AP3D1: variants seen among roughly 807,000 people sequenced by gnomAD.
The protein encoded by AP3D1 is AP-3 complex subunit delta-1.
In AP3D1, 51 loss-of-function variants were observed where a neutral mutation model predicts 147.6. That is an observed-to-expected ratio of 0.35 (90% confidence interval 0.28 to 0.44). AP3D1 has a LOEUF of 0.44. AP3D1 is among the 20% of genes least tolerant of loss of function. The probability of loss-of-function intolerance (pLI) is 1.00; values close to 1 mark genes in which losing one functional copy is unlikely to be tolerated. For synonymous variants in AP3D1, 760 were observed against 663.0 expected (o/e 1.15, Z -2.25); for missense variants, 1,421 against 1,624.2 (o/e 0.87, Z 2.15).
At position 2,120,987 on chromosome 19, in the gene AP3D1, G is replaced by C. The variant is rs1375825755; in HGVS notation, c.1356C>G (p.Arg452=). ...LDVAIRVKAI[R]KFAVSQMSAL... ...CAGACATCTGGGACACGGCGAACTT[G>C]CGGATGGCCTTCACGCGGATGGCCA... Residue 452 remains arginine (R), a synonymous_variant, in exon 14 of 32, where the codon CGC becomes CGG. Coordinates refer to ENST00000643116, the MANE Select transcript of AP3D1 (RefSeq NM_001261826.3). 3.7e-6 allele frequency: 6 copies of C among 1,612,128 alleles called. No individual in the cohort carries two copies. The African/African-American group carries it at 6.7e-5, about 18-fold the overall frequency.
intron 22 of AP3D1, among the ~76,000 whole-genome samples, chr19:2,113,904 G>A (rs932198105): frequency 6.6e-6 from 1 of 152,176 alleles, no homozygotes; most frequent in Non-Finnish European, 1.5e-5. Context: ...GCTCACCCAT[G>A]GGATCGTTGG....
chr19:2,116,379 G>A, intron 17 of AP3D1, 101 bp from the exon 18 acceptor site: 1 of 1,360,608 alleles, frequency 7.3e-7, no homozygotes. Context: ...TGGATCTCTG[G>A]CTATTTTCAC....
intron 11 of AP3D1, among the ~76,000 whole-genome samples, chr19:2,122,564 C>G (rs541756651): frequency 6.6e-6 from 1 of 152,330 alleles, no homozygotes; most frequent in Admixed American, 6.5e-5. Flanking sequence ...GGGTGTTTTT[C>G]TGACACGTCT....
rs149339216 is a variant in AP3D1 at position 2,144,047 on chromosome 19, T to G, written c.97-5333A>C. ...GTTGCGGTGAGCCGAGATCGCGCCA[T>G]TGCACTTCAGCCTGGGCAACAAGAG... is the stretch of plus-strand genomic sequence containing the variant. On this transcript the variant is annotated intron_variant, in intron 1 of 31. Coordinates refer to ENST00000643116, the MANE Select transcript of AP3D1 (RefSeq NM_001261826.3). 9.3e-5 allele frequency among the ~76,000 whole-genome samples: 14 copies of G among 150,298 alleles called. 1 individual carries two copies. Among genetic ancestry groups the G allele is most frequent in the Admixed American group, 8.6e-4 (13 of 15,082 alleles).
In AP3D1 at chr19:2,121,872, G is replaced by A. The variant is rs779955509; in HGVS notation, c.963C>T (p.Tyr321=). The A allele has an allele frequency of 1.2e-6, 2 of 1,607,380 alleles. No homozygotes were observed. Among genetic ancestry groups the A allele is most frequent in the African/African-American group, 1.3e-5 (1 of 74,432 alleles). The part of the protein sequence containing the change: ...LIEDSDQNLK[Y]LGLLAMSKIL... ...TCTTGGACATTGCCAGCAGCCCCAGGTACTTCACTGCAGAGAGAGGCCAGA... is the reference window on the plus strand; with the variant it reads ...TCTTGGACATTGCCAGCAGCCCCAGATACTTCACTGCAGAGAGAGGCCAGA... Residue 321 remains tyrosine, a synonymous_variant, in exon 12 of 32, where the codon TAC becomes TAT. Transcript: ENST00000643116.
rs149395015 is a variant in AP3D1, at chr19:2,140,152, G to A, written c.97-1438C>T. Among the ~76,000 whole-genome samples, 484 of 152,248 alleles carry A rather than the reference G, an allele frequency of 3.2e-3. 2 individuals carry two copies. Among genetic ancestry groups the A allele is most frequent in the African/African-American group, 0.011 (454 of 41,534 alleles). ...TCCTCCTGCTCAAAGGGTCAGGACT[G>A]TTGATTTAAAAGGAAAAGAACAAAA... On this transcript the variant is annotated intron_variant, in intron 1 of 31. Coordinates refer to ENST00000643116, the MANE Select transcript of AP3D1 (RefSeq NM_001261826.3).
At position 2,132,571 on chromosome 19, in the gene AP3D1, C is replaced by T; in HGVS notation, c.362G>A (p.Ser121Asn). 1 of 1,601,554 alleles carries T rather than the reference C, an allele frequency of 6.2e-7. No individual in the cohort carries two copies. The highest frequency in any genetic ancestry group is 8.5e-7 in the Non-Finnish European group (1 of 1,169,710). Residue 121 changes from serine (S) to asparagine (N), a missense_variant, in exon 5 of 32, where the codon AGC becomes AAC. By Grantham distance (46) the Ser-to-Asn change is conservative (BLOSUM62 1). Transcript: ENST00000643116. ...ACCTGTGTCGTACTGGCTGGGGCTGCTCAAGTCCTGGAAAGTGAGAGAAAG... is the reference window on the plus strand; with the variant it reads ...ACCTGTGTCGTACTGGCTGGGGCTGTTCAAGTCCTGGAAAGTGAGAGAAAG... ...LTTNQIRKDL[S>N]SPSQYDTGVA...
rs2019224148 is a variant in AP3D1, at chr19:2,141,699, C to T, written c.97-2985G>A. ...TCATGATCCACCTGTCTCAGCCTAC[C>T]AAAGTGCTGGGATTACAGGCGTGAG... On this transcript the variant is annotated intron_variant, in intron 1 of 31. Coordinates refer to ENST00000643116, the MANE Select transcript of AP3D1 (RefSeq NM_001261826.3). Among the ~76,000 whole-genome samples the T allele has an allele frequency of 4.0e-5, 6 of 151,862 alleles. No individual in the cohort carries two copies. In the South Asian group the frequency reaches 1.2e-3, roughly 31 times the overall value.
chr19:2,115,720 G>C (rs1265324214), intron 18 of AP3D1, 107 bp from the exon 19 acceptor site: 2 of 1,220,612 alleles, frequency 1.6e-6, no homozygotes, highest in African/African-American at 1.5e-5. Flanking sequence ...ATCCTAAGGA[G>C]CTGGGGTCCT....
chr19:2,124,510 G>T (rs1041562144), intron 9 of AP3D1, among the ~76,000 whole-genome samples: 1 of 152,226 alleles, frequency 6.6e-6, no homozygotes, highest in Admixed American at 6.5e-5. Context: ...CACATGCAGG[G>T]ACAGAGACTC....
intron 14 of AP3D1, among the ~76,000 whole-genome samples, chr19:2,119,117 G>C (rs1345690300): frequency 6.6e-6 from 1 of 152,214 alleles, no homozygotes; most frequent in African/African-American, 2.4e-5. Context: ...GCTGGCCCTG[G>C]GAGGATAAGC....
chr19:2,110,651 G>A, intron 27 of AP3D1, 56 bp downstream of exon 27: 1 of 1,481,058 alleles, frequency 6.8e-7, no homozygotes, highest in Non-Finnish European at 9.0e-7. Context: ...GCAGTCACCA[G>A]CTGCCACTGC....
At chr19:2,114,622 G>GGCCCCCCCCCCCCCC in intron 21 of AP3D1, 126 bp downstream of exon 21, 1 of 665,750 alleles carries the variant, frequency 1.5e-6, no homozygotes, top group Non-Finnish European at 2.7e-6. Flanking sequence ...TCTGGGGAAG[G>GGCCCCCCCCCCCCCC]CCCGCCCGCA....
Position 2,111,742 on chromosome 19 carries a change from T to C in AP3D1, c.2874A>G (p.Pro958=), listed in dbSNP as rs771279999. 1.9e-6 allele frequency: 3 copies of C among 1,609,156 alleles called. No homozygotes were observed. The East Asian group carries it at 6.7e-5, about 36-fold the overall frequency. ...KGKKKSKKQP[P]GSEEAAGEPV... is the part of the protein sequence containing the mutation. ...GCTCCCCCGCTGCCTCCTCGCTGCC[T>C]GGAGGCTGCTTCTTGGACTTCTTCT... The change falls in exon 25 of 32, where the codon CCA becomes CCG. Residue 958 remains proline, a synonymous_variant. Transcript: ENST00000643116.
intron 4 of AP3D1, 56 bp from the exon 5 acceptor site, chr19:2,132,634 G>A (rs542561151): frequency 6.1e-5 from 92 of 1,496,476 alleles, no homozygotes; most frequent in South Asian, 4.1e-4. Flanking sequence ...CACATCCGAC[G>A]CCTGGGTCAC....
rs2018596904 is a variant in AP3D1, at chr19:2,121,083, G to A, written c.1260C>T (p.Ser420=). 6.2e-7 allele frequency: 1 copy of A among 1,613,802 alleles called. No homozygotes were observed. Among genetic ancestry groups the A allele is most frequent in the Non-Finnish European group, 8.5e-7 (1 of 1,179,954 alleles). ...CCAGCCGGGTCAGCTCCACCAGGAT[G>A]CTGATGTACCTGTGGGGCAGAGGCG... ...QYITNFEWYI[S]ILVELTRLEG... is the part of the protein sequence containing the mutation. Residue 420 remains serine, a synonymous_variant, in exon 14 of 32, where the codon AGC becomes AGT. Transcript: ENST00000643116.
rs1265528123 is a variant in AP3D1, at chr19:2,121,852, G to A, written c.983C>T (p.Ser328Phe). ...NLKYLGLLAMSKILKTHPKSV... is the reference protein window; with the variant it reads ...NLKYLGLLAMFKILKTHPKSV... Reference sequence around the variant, plus strand: ...CTTGGGGTGGGTCTTCAGGATCTTGGACATTGCCAGCAGCCCCAGGTACTT... The same window carrying A: ...CTTGGGGTGGGTCTTCAGGATCTTGAACATTGCCAGCAGCCCCAGGTACTT... Residue 328 changes from serine to phenylalanine, a missense_variant, in exon 12 of 32, where the codon TCC (serine) becomes TTC (phenylalanine). Coordinates refer to ENST00000643116, the MANE Select transcript of AP3D1 (RefSeq NM_001261826.3). 1 of 1,609,434 alleles carries A rather than the reference G, an allele frequency of 6.2e-7. No homozygotes were observed. The highest frequency in any genetic ancestry group is 8.5e-7 in the Non-Finnish European group (1 of 1,178,400).
intron 18 of AP3D1, 102 bp from the exon 19 acceptor site, chr19:2,115,715 A>T: frequency 1.6e-6 from 2 of 1,274,186 alleles, no homozygotes; most frequent in Non-Finnish European, 2.2e-6. Flanking sequence ...CCAACATCCT[A>T]AGGAGCTGGG....
rs534639518 is a variant in AP3D1, at chr19:2,109,963, G to C, written c.3265-5C>G. 2.5e-6 allele frequency: 4 copies of C among 1,613,490 alleles called. No individual in the cohort carries two copies. The South Asian group carries it at 4.4e-5, about 18-fold the overall frequency. ...GTGGGTCGCACCCTCGTCATTCTGC[G>C]GTGGAGTGAAGGTGGTGCAGTTGAG... is the stretch of plus-strand genomic sequence containing the variant. On this transcript the variant is annotated splice_polypyrimidine_tract_variant and splice_region_variant and intron_variant, in intron 28 of 31. Transcript: ENST00000643116.
Sources: gnomAD v4.1 joint callset for allele counts (sites outside exome capture counted in the v4.1 genomes callset) on GRCh38, gnomAD v4.1.1 for gene constraint, MANE v1.5 for transcripts, NCBI Gene and HGNC (gene_info 2026-07-23, HGNC 2026-07-21) for gene names.